Variants in GNL2 observed in about 807,000 individuals in gnomAD.
The protein encoded by GNL2 is nucleolar GTP-binding protein 2.
In GNL2, 51 loss-of-function variants were observed where a neutral mutation model predicts 92.3. The observed-to-expected ratio is 0.55, with a 90% confidence interval of 0.44 to 0.70. The LOEUF (loss-of-function observed/expected upper bound fraction) is 0.70, where lower values mean the gene tolerates loss of function less well. Among genes scored for constraint, GNL2 ranks in the 30% least tolerant of loss-of-function variants. GNL2 has a pLI of 0.00. For synonymous variants in GNL2, 283 were observed against 300.6 expected (o/e 0.94, Z 0.61); for missense variants, 844 against 895.6 (o/e 0.94, Z 0.74).
intron 12 of GNL2, among the ~76,000 whole-genome samples, chr1:37,571,317 A>G (rs991829394): frequency 1.3e-5 from 2 of 152,200 alleles, no homozygotes; most frequent in African/African-American, 4.8e-5. Context: ...TATAGATAGG[A>G]TTTCTGACAT....
At chr1:37,582,715 C>A in intron 7 of GNL2, 63 bp downstream of exon 7, 1 of 1,303,140 alleles carries the variant, frequency 7.7e-7, no homozygotes, top group South Asian at 1.3e-5. Flanking sequence ...AGCCTAAAAG[C>A]CCTACAACTG....
intron 1 of GNL2, among the ~76,000 whole-genome samples, chr1:37,594,949 C>T (rs1321468180): frequency 6.6e-6 from 1 of 152,172 alleles, no homozygotes; most frequent in Admixed American, 6.5e-5. Context: ...AAACTGGCGG[C>T]TCTACTACTA....
intron 8 of GNL2, among the ~76,000 whole-genome samples, chr1:37,576,794 TAAGGTTA>T (rs1643685822): frequency 6.6e-6 from 1 of 152,134 alleles, no homozygotes; most frequent in Non-Finnish European, 1.5e-5. Flanking sequence ...TTGTATGTGT[TAAGGTTA>T]AAAGTATGTA....
At position 37,592,754 on chromosome 1, in the gene GNL2, A is replaced by G. The variant is rs1643895299; in HGVS notation, c.202T>C (p.Ser68Pro). ...GGCTCTACTCTTGCCACTGTGCCAG[A>G]AGCCACCGTTGATTGATATTGCAGG... is the stretch of plus-strand genomic sequence containing the variant. The part of the protein sequence containing the change: ...KPLQYQSTVA[S>P]GTVARVEPNI... Residue 68 changes from serine to proline, a missense_variant, in exon 3 of 16, where the codon TCT (serine) becomes CCT (proline). Ser to Pro is a moderately conservative substitution (Grantham distance 74). Coordinates refer to ENST00000373062, the MANE Select transcript of GNL2 (RefSeq NM_013285.3). The G allele has an allele frequency of 1.2e-6, 2 of 1,610,056 alleles. No homozygotes were observed. The highest frequency in any genetic ancestry group is 1.7e-6 in the Non-Finnish European group (2 of 1,176,230).
At chr1:37,567,445 A>G (rs1041343593) in intron 15 of GNL2, among the ~76,000 whole-genome samples, 6 of 152,076 alleles carry the variant, frequency 3.9e-5, no homozygotes, top group Non-Finnish European at 8.8e-5. Context: ...CCTCTAGAGG[A>G]TAGTCCACTC....
intron 7 of GNL2, 134 bp from the exon 8 acceptor site, chr1:37,582,470 G>C: frequency 3.3e-6 from 2 of 599,820 alleles, no homozygotes; most frequent in South Asian, 2.4e-5. Context: ...ATAATTCTTT[G>C]AAATGTTTTT....
intron 5 of GNL2, among the ~76,000 whole-genome samples, chr1:37,586,030 T>C (rs1191519705): frequency 1.3e-5 from 2 of 152,148 alleles, no homozygotes; most frequent in Non-Finnish European, 2.9e-5. Flanking sequence ...AAAGATGCGG[T>C]CACATTGATG....
chr1:37,581,258 G>A (rs1283054397), intron 8 of GNL2: 1 of 426,126 alleles, frequency 2.3e-6, no homozygotes, highest in African/African-American at 2.0e-5. Context: ...CTGTAAAGTG[G>A]GGAAGGGTGG....
In GNL2 at chr1:37,592,764, T is replaced by A. The variant is rs1643895446; in HGVS notation, c.192A>T (p.Ser64=). 4 of 1,609,492 alleles carry A rather than the reference T, an allele frequency of 2.5e-6. No homozygotes were observed. The highest frequency in any genetic ancestry group is 3.4e-6 in the Non-Finnish European group (4 of 1,175,760). Residue 64 remains serine, a synonymous_variant, in exon 3 of 16, where the codon TCA becomes TCT. Coordinates refer to ENST00000373062, the MANE Select transcript of GNL2 (RefSeq NM_013285.3). ...TTGCCACTGTGCCAGAAGCCACCGT[T>A]GATTGATATTGCAGGGGTTTAATTA... ...GKIIKPLQYQ[S]TVASGTVARV...
chr1:37,566,894 T>C lies in GNL2; in HGVS notation c.2157A>G (p.Gly719=). ...TGAATTTTTTGCGTTTGTGTTTCTG[T>C]CCCTCTGAGTCATTGGTCTTCTTTT... ...RNKKKTNDSE[G]QKHKRKKFRQ... is the part of the protein sequence containing the mutation. The change falls in exon 16 of 16, where the codon GGA becomes GGG. Residue 719 remains glycine, a synonymous_variant. Coordinates refer to ENST00000373062, the MANE Select transcript of GNL2 (RefSeq NM_013285.3). 6.2e-7 allele frequency: 1 copy of C among 1,614,180 alleles called. No homozygotes were observed. The highest frequency in any genetic ancestry group is 8.5e-7 in the Non-Finnish European group (1 of 1,180,014).
At chr1:37,584,650 G>A (rs1643824070) in intron 5 of GNL2, among the ~76,000 whole-genome samples, 1 of 152,076 alleles carries the variant, frequency 6.6e-6, no homozygotes, top group Non-Finnish European at 1.5e-5. Flanking sequence ...AGGGGCTGGG[G>A]GAGAGGGGAA....
At chr1:37,587,858 C>T (rs1243970300) in intron 4 of GNL2, among the ~76,000 whole-genome samples, 1 of 152,076 alleles carries the variant, frequency 6.6e-6, no homozygotes, top group Non-Finnish European at 1.5e-5. Context: ...TAATCTTTTC[C>T]ACCATTTTTT....
chr1:37,574,619 T>C (rs536095655), intron 11 of GNL2, 46 bp downstream of exon 11: 4 of 1,584,644 alleles, frequency 2.5e-6, no homozygotes, highest in South Asian at 2.2e-5. Flanking sequence ...TATACATACA[T>C]GCTTGTGACA....
chr1:37,575,627 C>A lies in GNL2; in HGVS notation c.1111G>T (p.Asp371Tyr). 3 of 1,598,790 alleles carry A rather than the reference C, an allele frequency of 1.9e-6. No homozygotes were observed. The highest frequency in any genetic ancestry group is 1.4e-5 in the African/African-American group (1 of 73,880). The stretch of plus-strand genomic sequence containing the variant: ...TTTAGCACAATGTCTGTCTCGGAGT[C>A]CTCAGAGGGGTAAACCACACCTGGA... ...DCPGVVYPSE[D>Y]SETDIVLKGV... The change falls in exon 10 of 16, where the codon GAC becomes TAC. Residue 371 changes from aspartate (D) to tyrosine (Y), a missense_variant. Transcript: ENST00000373062. The surrounding 1 kb of genome is among the most constrained non-coding windows in gnomAD (Gnocchi z 4.1).
At position 37,568,198 on chromosome 1, in the gene GNL2, T is replaced by G. The variant is rs570101313; in HGVS notation, c.1951+77A>C. The G allele has an allele frequency of 4.7e-6, 4 of 858,434 alleles. 1 individual carries two copies. In the African/African-American group the frequency reaches 6.7e-5, roughly 14 times the overall value. The allele number at this position is 858,434 out of a possible 1,614,324, so 53.2% of individuals were successfully genotyped here. A position where few individuals can be genotyped will look rare whatever the true frequency, so the allele number is the denominator to read the frequency against. On this transcript the variant is annotated intron_variant, in intron 14 of 15. Transcript: ENST00000373062. ...CATTTATGTGGATGACTGAGATAAT[T>G]TGGAGACTGAACTTAGGTTTCTCAA...
Position 37,569,130 on chromosome 1 carries a change from C to T in GNL2, c.1589G>A (p.Arg530Gln), listed in dbSNP as rs1334652509. 7 of 1,614,044 alleles carry T rather than the reference C, an allele frequency of 4.3e-6. No homozygotes were observed. Among genetic ancestry groups the T allele is most frequent in the South Asian group, 1.1e-5 (1 of 91,084 alleles). ...TEMQQILTRV[R>Q]QNFGKINVVP... ...CACGTTGATTTTACCAAAGTTCTGC[C>T]GAACTCGTGTGAGAATCTGCTGCAT... is the stretch of plus-strand genomic sequence containing the variant. The change falls in exon 13 of 16, where the codon CGG becomes CAG. Residue 530 changes from arginine (R) to glutamine (Q), a missense_variant. Physicochemically the swap from Arg to Gln is conservative, Grantham distance 43 (BLOSUM62 1). Coordinates refer to ENST00000373062, the MANE Select transcript of GNL2 (RefSeq NM_013285.3).
Position 37,583,907 on chromosome 1 carries a change from T to G in GNL2, c.596A>C (p.Lys199Thr), listed in dbSNP as rs1346982059. 2 of 1,586,230 alleles carry G rather than the reference T, an allele frequency of 1.3e-6. No individual in the cohort carries two copies. Among genetic ancestry groups the G allele is most frequent in the Non-Finnish European group, 1.7e-6 (2 of 1,154,352 alleles). ...VRNEAQEEIY[K>T]KGQSKRIWGE... Reference sequence around the variant, plus strand: ...CCATATTCTTTTGGACTGTCCCTTTTTATAGATCTCTTCTTGAGCTTCATT... The same window carrying G: ...CCATATTCTTTTGGACTGTCCCTTTGTATAGATCTCTTCTTGAGCTTCATT... Residue 199 changes from lysine to threonine, a missense_variant, in exon 6 of 16, where the codon AAA (lysine) becomes ACA (threonine). Transcript: ENST00000373062.
chr1:37,576,404 A>G (rs1012270431), intron 9 of GNL2, 24 bp downstream of exon 9: 28 of 1,604,316 alleles, frequency 1.7e-5, no homozygotes, highest in Non-Finnish European at 2.3e-5. Flanking sequence ...ATGCAAAAGT[A>G]AGGTCACCCT....
At chr1:37,583,219 C>T in intron 6 of GNL2, 4 of 223,128 alleles carry the variant, frequency 1.8e-5, no homozygotes, top group Non-Finnish European at 3.5e-5. Flanking sequence ...AAATCATTTA[C>T]TTCTTAGACT....
Sources: gnomAD v4.1 joint callset for allele counts (sites outside exome capture counted in the v4.1 genomes callset) on GRCh38, gnomAD v4.1.1 for gene constraint, Gnocchi (gnomAD v3.1) non-coding constraint, MANE v1.5 for transcripts, NCBI Gene and HGNC (gene_info 2026-07-23, HGNC 2026-07-21) for gene names.